Variants in MTMR2 observed in about 807,000 individuals in gnomAD.
MTMR2 encodes the protein phosphatidylinositol-3,5-bisphosphate 3-phosphatase MTMR2.
MTMR2 carries 55 observed loss-of-function variants against 86.9 expected under a neutral mutation model. The ratio of observed to expected loss-of-function variants is 0.63; its 90% CI spans 0.51 to 0.79. MTMR2 has a LOEUF of 0.79. Among genes scored for constraint, MTMR2 ranks in the 30% least tolerant of loss-of-function variants. The probability of loss-of-function intolerance (pLI) is 0.00; values close to 1 mark genes in which losing one functional copy is unlikely to be tolerated. For missense variants in MTMR2, 659 were observed against 772.3 expected (o/e 0.85, Z 1.74); for synonymous variants, 241 against 266.8 (o/e 0.90, Z 0.94).
intron 11 of MTMR2, among the ~76,000 whole-genome samples, chr11:95,843,550 T>C (rs1008270713): frequency 6.6e-6 from 1 of 152,312 alleles, no homozygotes; most frequent in African/African-American, 2.4e-5. Context: ...GAAAAAGCTA[T>C]TAAAATACTT....
chr11:95,908,840 T>C (rs1866390705), intron 1 of MTMR2, among the ~76,000 whole-genome samples: 1 of 152,236 alleles, frequency 6.6e-6, no homozygotes, highest in Non-Finnish European at 1.5e-5. Context: ...AAAGAAAATA[T>C]TTTCTCAAAA....
In MTMR2 at chr11:95,850,830, A is replaced by C. The variant is rs563405459; in HGVS notation, c.655-81T>G. ...CACCAGGACAGAAGCCATCCTGTTC[A>C]ATCTCTCTGACCTCTACTATCCATC... On this transcript the variant is annotated intron_variant, in intron 7 of 14. Coordinates refer to ENST00000346299, the MANE Select transcript of MTMR2 (RefSeq NM_016156.6). 12 of 1,335,916 alleles carry C rather than the reference A, an allele frequency of 9.0e-6. No homozygotes were observed. The South Asian group carries it at 1.4e-4, about 16-fold the overall frequency. 82.8% of individuals were successfully genotyped at this position (1,335,916 alleles called of 1,614,324 possible).
Position 95,905,862 on chromosome 11 carries a change from G to C in MTMR2, c.81-17601C>G, listed in dbSNP as rs1052000952. On this transcript the variant is annotated intron_variant, in intron 1 of 14. Transcript: ENST00000346299. The stretch of plus-strand genomic sequence containing the variant: ...ATAATATATAGGCTCAAAGTAAAGG[G>C]ATAGAGAAAAACCTACCAAGCAAAT... Among the ~76,000 whole-genome samples the C allele has an allele frequency of 2.0e-5, 3 of 151,856 alleles. No homozygotes were observed. In the East Asian group the frequency reaches 5.8e-4, roughly 29 times the overall value.
At chr11:95,895,443 G>T (rs1865850057) in intron 1 of MTMR2, among the ~76,000 whole-genome samples, 1 of 152,108 alleles carries the variant, frequency 6.6e-6, no homozygotes, top group African/African-American at 2.4e-5. Context: ...TTGTAAATAA[G>T]TAGTTTATTC....
At chr11:95,914,229 C>T in intron 1 of MTMR2, 10 of 961,662 alleles carry the variant, frequency 1.0e-5, no homozygotes, top group South Asian at 4.8e-5. Flanking sequence ...TCTGCATTTT[C>T]CCATTCACTT....
chr11:95,904,365 G>A (rs1448047443), intron 1 of MTMR2, among the ~76,000 whole-genome samples: 1 of 152,178 alleles, frequency 6.6e-6, no homozygotes, highest in Non-Finnish European at 1.5e-5. Flanking sequence ...CACTGAAAGA[G>A]ATGTCTATAT....
At chr11:95,840,063 C>T (rs763666924) in intron 12 of MTMR2, 1 of 152,116 alleles carries the variant, frequency 6.6e-6, no homozygotes, top group Non-Finnish European at 1.5e-5. Flanking sequence ...TAACAAGGCC[C>T]GACCCTGCTT....
rs1448377457 is a variant in MTMR2 at position 95,861,928 on chromosome 11, G to A, written c.468+64C>T. On this transcript the variant is annotated intron_variant, in intron 5 of 14. Coordinates refer to ENST00000346299, the MANE Select transcript of MTMR2 (RefSeq NM_016156.6). Reference sequence around the variant, plus strand: ...TATTTTAGAAACCAATTTCAAAACAGAGGTTCTATTTAATACAAAGCTTTT... The same window carrying A: ...TATTTTAGAAACCAATTTCAAAACAAAGGTTCTATTTAATACAAAGCTTTT... 6.5e-5 allele frequency: 75 copies of A among 1,158,132 alleles called. No individual in the cohort carries two copies. The Middle Eastern group carries it at 1.2e-3, about 19-fold the overall frequency. The allele number at this position is 1,158,132 out of a possible 1,614,324, so 71.7% of individuals were successfully genotyped here.
At chr11:95,909,936 A>C (rs1359749067) in intron 1 of MTMR2, among the ~76,000 whole-genome samples, 1 of 152,118 alleles carries the variant, frequency 6.6e-6, no homozygotes, top group Admixed American at 6.6e-5. Context: ...TAAGCAAAGC[A>C]CTAGGCCCTA....
chr11:95,905,894 CA>C (rs905035855), intron 1 of MTMR2, among the ~76,000 whole-genome samples: 22 of 143,944 alleles, frequency 1.5e-4, no homozygotes, highest in South Asian at 2.2e-4. Context: ...AAATGGAAAA[CA>C]AAAAAAAAAA....
intron 2 of MTMR2, among the ~76,000 whole-genome samples, chr11:95,879,820 A>T (rs1865257058): frequency 1.3e-5 from 2 of 152,134 alleles, no homozygotes; most frequent in Admixed American, 1.3e-4. Flanking sequence ...TTGTCATTAC[A>T]AACTTCAGGA....
chr11:95,894,776 C>T (rs750691816), intron 1 of MTMR2, among the ~76,000 whole-genome samples: 1 of 152,082 alleles, frequency 6.6e-6, no homozygotes, highest in Non-Finnish European at 1.5e-5. Flanking sequence ...ATAAAGAAAA[C>T]TCTTAAGTCC....
intron 1 of MTMR2, chr11:95,914,184 A>G: frequency 7.2e-6 from 7 of 978,346 alleles, no homozygotes; most frequent in Non-Finnish European, 8.5e-6. Context: ...ATCCAGAAAT[A>G]CTGTTGGCAA....
intron 1 of MTMR2, among the ~76,000 whole-genome samples, chr11:95,907,044 C>CA (rs1173614551): frequency 1.3e-5 from 2 of 151,686 alleles, no homozygotes; most frequent in African/African-American, 2.4e-5. Flanking sequence ...TTGAGACACA[C>CA]AAAAAACATA....
chr11:95,862,211 G>T lies in MTMR2; in HGVS notation c.357+61C>A. On this transcript the variant is annotated intron_variant, in intron 4 of 14. Transcript: ENST00000346299. ...GCTTTAATTAGAAATGATCAGAAATGAACAAAACTAGCTACAAACAACACA... is the reference window on the plus strand; with the variant it reads ...GCTTTAATTAGAAATGATCAGAAATTAACAAAACTAGCTACAAACAACACA... 3 of 1,548,914 alleles carry T rather than the reference G, an allele frequency of 1.9e-6. No individual in the cohort carries two copies. The South Asian group carries it at 3.4e-5, about 17-fold the overall frequency.
At chr11:95,912,450 TGAC>T (rs1866545365) in intron 1 of MTMR2, among the ~76,000 whole-genome samples, 1 of 151,832 alleles carries the variant, frequency 6.6e-6, no homozygotes, top group Admixed American at 6.5e-5. Context: ...TATTTTAAAA[TGAC>T]GTTTTTTAAA....
intron 1 of MTMR2, among the ~76,000 whole-genome samples, chr11:95,908,133 A>G (rs976441985): frequency 7.2e-5 from 11 of 152,162 alleles, no homozygotes; most frequent in African/African-American, 2.7e-4. Flanking sequence ...TCTGATAAAC[A>G]ACTTCAGCAA....
At chr11:95,919,239 G>C (rs955622074) in intron 1 of MTMR2, among the ~76,000 whole-genome samples, 1 of 152,020 alleles carries the variant, frequency 6.6e-6, no homozygotes, top group African/African-American at 2.4e-5. Context: ...ACTTCTTCAG[G>C]CTATAAGTAT....
chr11:95,850,846 A>T, intron 7 of MTMR2, 97 bp from the exon 8 acceptor site: 2 of 1,109,186 alleles, frequency 1.8e-6, no homozygotes, highest in African/African-American at 1.5e-5. Context: ...TCTGACCTCT[A>T]CTATCCATCT....
Sources: allele counts gnomAD v4.1 joint callset (sites outside exome capture counted in the v4.1 genomes callset), GRCh38; gene constraint gnomAD v4.1.1; transcripts MANE v1.5; gene names NCBI Gene and HGNC (gene_info 2026-07-23, HGNC 2026-07-21).